ITPK1: variants seen among roughly 807,000 people sequenced by gnomAD.
ITPK1 encodes inositol 1,3,4-trisphosphate 5/6-kinase.
In ITPK1, 21 loss-of-function variants were observed where a neutral mutation model predicts 45.3. The ratio of observed to expected loss-of-function variants is 0.46; its 90% confidence interval spans 0.33 to 0.67. The LOEUF (loss-of-function observed/expected upper bound fraction) is 0.67. Among genes scored for constraint, ITPK1 ranks in the 30% least tolerant of loss-of-function variants. The pLI, the probability that ITPK1 is intolerant of heterozygous loss-of-function variation, is 0.02. For missense variants in ITPK1, 474 were observed against 573.5 expected (o/e 0.83, Z 1.77); for synonymous variants, 258 against 253.6 (o/e 1.02, Z -0.16).
At chr14:93,008,154 T>C (rs1887713828) in intron 4 of ITPK1, among the ~76,000 whole-genome samples, 1 of 152,224 alleles carries the variant, frequency 6.6e-6, no homozygotes, top group Admixed American at 6.5e-5. Context: ...TCCTGCCCTT[T>C]AGGCCTCAAC....
intron 5 of ITPK1, among the ~76,000 whole-genome samples, chr14:92,967,896 A>T (rs1466206736): frequency 1.3e-5 from 2 of 152,214 alleles, no homozygotes; most frequent in Non-Finnish European, 2.9e-5. Context: ...GGTTGACAGG[A>T]GCTGGGGAAG....
chr14:92,955,889 T>C (rs1213945075), intron 8 of ITPK1, among the ~76,000 whole-genome samples: 1 of 152,210 alleles, frequency 6.6e-6, no homozygotes, highest in Non-Finnish European at 1.5e-5. Flanking sequence ...CCTTTCCAAC[T>C]GGTCCAGCTT....
chr14:92,940,747 AT>A lies in ITPK1; in HGVS notation c.*813del, dbSNP rs1312424091. On this transcript the variant is annotated 3_prime_UTR_variant, in exon 11 of 11. Transcript: ENST00000267615. ...GGTGGAGGCCCAAAGACCTGGAATG[AT>A]TTGCCCAAATCACAGCACAAATCCT... The A allele has an allele frequency of 1.6e-6, 2 of 1,289,126 alleles. No individual in the cohort carries two copies. Among genetic ancestry groups the A allele is most frequent in the Non-Finnish European group, 2.0e-6 (2 of 988,720 alleles). 79.9% of individuals were successfully genotyped at this position (1,289,126 alleles called of 1,614,324 possible).
chr14:93,015,912 G>A lies in ITPK1; in HGVS notation c.246+764C>T, dbSNP rs538444572. On this transcript the variant is annotated intron_variant, in intron 4 of 10. Coordinates refer to ENST00000267615, the MANE Select transcript of ITPK1 (RefSeq NM_014216.6). ...GGCACCAAATCTGCGCCTGTCACACGCTAGAAACCCCATCTCAGGCATCCC... is the reference window on the plus strand; with the variant it reads ...GGCACCAAATCTGCGCCTGTCACACACTAGAAACCCCATCTCAGGCATCCC... 5.9e-5 allele frequency among the ~76,000 whole-genome samples: 9 copies of A among 152,326 alleles called. No individual in the cohort carries two copies. In the South Asian group the frequency reaches 1.7e-3, roughly 28 times the overall value.
chr14:93,028,900 C>T (rs1409813592), intron 3 of ITPK1, among the ~76,000 whole-genome samples: 1 of 152,216 alleles, frequency 6.6e-6, no homozygotes, highest in Non-Finnish European at 1.5e-5. Flanking sequence ...AGAACAGAGA[C>T]GCTCAAGCTG....
chr14:92,954,287 G>A (rs956304660), intron 8 of ITPK1, among the ~76,000 whole-genome samples: 12 of 152,210 alleles, frequency 7.9e-5, no homozygotes, highest in Non-Finnish European at 8.8e-5. Context: ...CTCTATGTGC[G>A]GTCTGAACAG....
chr14:93,059,909 G>A (rs1388412090), intron 3 of ITPK1, among the ~76,000 whole-genome samples: 1 of 151,082 alleles, frequency 6.6e-6, no homozygotes, highest in African/African-American at 2.4e-5. Context: ...CATGAGGCAG[G>A]GGTGGGGGGT....
chr14:93,014,929 C>T lies in ITPK1; in HGVS notation c.246+1747G>A, dbSNP rs114676444. ...CCCCAGATGGACTCAGCAAGAGATGCACCATCCCTGCCCCAAAGGTCTGCG... is the reference window on the plus strand; with the variant it reads ...CCCCAGATGGACTCAGCAAGAGATGTACCATCCCTGCCCCAAAGGTCTGCG... On this transcript the variant is annotated intron_variant, in intron 4 of 10. Coordinates refer to ENST00000267615, the MANE Select transcript of ITPK1 (RefSeq NM_014216.6). This position sits in a 1 kb window ranked among gnomAD's most constrained non-coding sequence, Gnocchi z 4.4. 0.016 allele frequency among the ~76,000 whole-genome samples: 2,488 copies of T among 152,358 alleles called. 77 individuals carry two copies. Among genetic ancestry groups the T allele is most frequent in the African/African-American group, 0.057 (2,357 of 41,572 alleles).
intron 3 of ITPK1, among the ~76,000 whole-genome samples, chr14:93,033,790 C>T (rs1889180846): frequency 6.6e-6 from 1 of 152,116 alleles, no homozygotes; most frequent in South Asian, 2.1e-4. Context: ...TGTGAATGTG[C>T]GTGCCTGTGC....
chr14:92,964,864 C>T (rs1885265656), intron 5 of ITPK1, among the ~76,000 whole-genome samples: 2 of 152,226 alleles, frequency 1.3e-5, no homozygotes, highest in African/African-American at 4.8e-5. Context: ...CACTAGTGGC[C>T]AGTAGCCAAT....
chr14:93,106,536 G>A (rs963157347), intron 2 of ITPK1, among the ~76,000 whole-genome samples: 2 of 152,184 alleles, frequency 1.3e-5, no homozygotes, highest in African/African-American at 4.8e-5. Flanking sequence ...TTTAGCTCCT[G>A]GAGAGAGCTC....
At chr14:93,106,335 C>G (rs895659538) in intron 2 of ITPK1, among the ~76,000 whole-genome samples, 1 of 152,166 alleles carries the variant, frequency 6.6e-6, no homozygotes, top group Non-Finnish European at 1.5e-5. Context: ...GGAAACAAGG[C>G]TCTAGAAGGA....
chr14:92,945,515 T>C (rs1887639906), intron 10 of ITPK1, among the ~76,000 whole-genome samples: 1 of 152,120 alleles, frequency 6.6e-6, no homozygotes. Context: ...TTTACAAGGG[T>C]CAGGATGGAG....
intron 5 of ITPK1, among the ~76,000 whole-genome samples, chr14:92,986,014 T>C (rs899694235): frequency 5.3e-5 from 8 of 152,190 alleles, no homozygotes; most frequent in African/African-American, 1.7e-4. Flanking sequence ...TTAGATTCAC[T>C]ATGGCGCTGC....
chr14:92,972,411 G>A lies in ITPK1; in HGVS notation c.365-9562C>T, dbSNP rs117034803. ...CAGGGGAAGACCATGTGCAGACGTG[G>A]GGAGATGAGGGCCATCCGCAGGCCA... On this transcript the variant is annotated intron_variant, in intron 5 of 10. Coordinates refer to ENST00000267615, the MANE Select transcript of ITPK1 (RefSeq NM_014216.6). 1.2e-3 allele frequency among the ~76,000 whole-genome samples: 189 copies of A among 152,090 alleles called. No homozygotes were observed. In the Middle Eastern group the frequency reaches 0.017, roughly 14 times the overall value.
rs536725194 is a variant in ITPK1, at chr14:93,017,213, T to G, written c.121-412A>C. On this transcript the variant is annotated intron_variant, in intron 3 of 10. Coordinates refer to ENST00000267615, the MANE Select transcript of ITPK1 (RefSeq NM_014216.6). ...GGAAAACTAGGGTTCCAAGGGGTTATGTAAATGACTAACATCGCACAGCCA... is the reference window on the plus strand; with the variant it reads ...GGAAAACTAGGGTTCCAAGGGGTTAGGTAAATGACTAACATCGCACAGCCA... 9.8e-5 allele frequency among the ~76,000 whole-genome samples: 15 copies of G among 152,334 alleles called. No homozygotes were observed. The South Asian group carries it at 2.5e-3, about 25-fold the overall frequency.
At chr14:92,951,565 G>GGTGC (rs1887954581) in intron 9 of ITPK1, among the ~76,000 whole-genome samples, 1 of 152,164 alleles carries the variant, frequency 6.6e-6, no homozygotes, top group African/African-American at 2.4e-5. Context: ...GGACTGAGAT[G>GGTGC]GTGCTGCCTC....
chr14:93,107,635 T>A (rs1892576315), intron 2 of ITPK1, among the ~76,000 whole-genome samples: 1 of 151,882 alleles, frequency 6.6e-6, no homozygotes, highest in Admixed American at 6.6e-5. Context: ...CTCAAGGGCC[T>A]GGAGGGGTGG....
At position 93,110,324 on chromosome 14, in the gene ITPK1, C is replaced by A. The variant is rs562269355; in HGVS notation, c.95+4745G>T. On this transcript the variant is annotated intron_variant, in intron 2 of 10. Transcript: ENST00000267615. ...CAGCACCTCTTCCCACCTCTGCACCCCCGAAATGGTGGCAAATCCAGACAT... is the reference window on the plus strand; with the variant it reads ...CAGCACCTCTTCCCACCTCTGCACCACCGAAATGGTGGCAAATCCAGACAT... Among the ~76,000 whole-genome samples the A allele has an allele frequency of 6.6e-4, 100 of 152,220 alleles. 2 individuals are homozygous for A. The Middle Eastern group carries it at 0.017, about 26-fold the overall frequency.
Sources: gnomAD v4.1 joint callset for allele counts (sites outside exome capture counted in the v4.1 genomes callset) on GRCh38, gnomAD v4.1.1 for gene constraint, Gnocchi (gnomAD v3.1) non-coding constraint, MANE v1.5 for transcripts, NCBI Gene and HGNC (gene_info 2026-07-23, HGNC 2026-07-21) for gene names.